Variants in PEBP4 observed in about 807,000 individuals in gnomAD.
The protein encoded by PEBP4 is phosphatidylethanolamine-binding protein 4.
PEBP4 carries 22 observed loss-of-function variants against 23.9 expected under a neutral mutation model. The observed-to-expected ratio is 0.92, with a 90% CI of 0.66 to 1.31. The LOEUF is 1.31. Ranked by LOEUF, PEBP4 falls within the 40% of genes most tolerant of loss-of-function variation. The pLI, the probability that PEBP4 is intolerant of heterozygous loss-of-function variation, is 0.00. For missense variants in PEBP4, 324 were observed against 281.7 expected (o/e 1.15, Z -1.07); for synonymous variants, 112 against 99.3 (o/e 1.13, Z -0.76).
chr8:22,855,165 C>G (rs1451139226), intron 3 of PEBP4, among the ~76,000 whole-genome samples: 3 of 152,094 alleles, frequency 2.0e-5, no homozygotes. Context: ...ATTCTGTGAT[C>G]CAAGATCAAC....
intron 4 of PEBP4, among the ~76,000 whole-genome samples, chr8:22,795,294 G>C (rs1806226987): frequency 1.3e-5 from 2 of 148,442 alleles, no homozygotes. Context: ...TCCTGCCTCA[G>C]CCTCCCAAGT....
intron 4 of PEBP4, among the ~76,000 whole-genome samples, chr8:22,768,589 G>A (rs548905029): frequency 6.6e-6 from 1 of 152,286 alleles, no homozygotes; most frequent in African/African-American, 2.4e-5. Context: ...CAGCCCTTCG[G>A]TTGCCAAGGA....
At chr8:22,819,355 G>C (rs1806810286) in intron 3 of PEBP4, among the ~76,000 whole-genome samples, 1 of 152,218 alleles carries the variant, frequency 6.6e-6, no homozygotes, top group Non-Finnish European at 1.5e-5. Flanking sequence ...TGAGGACACA[G>C]ATGTGACAAT....
intron 3 of PEBP4, among the ~76,000 whole-genome samples, chr8:22,876,154 ACCAGC>A (rs2128771267): frequency 6.6e-6 from 1 of 152,190 alleles, no homozygotes; most frequent in South Asian, 2.1e-4. Flanking sequence ...CAAGTGATAC[ACCAGC>A]CTCAGCCTCC....
At chr8:22,851,190 C>G (rs893536362) in intron 3 of PEBP4, among the ~76,000 whole-genome samples, 4 of 152,152 alleles carry the variant, frequency 2.6e-5, no homozygotes, top group East Asian at 1.9e-4. Context: ...CATGGTGCCT[C>G]TAGTAAGTTC....
intron 4 of PEBP4, among the ~76,000 whole-genome samples, chr8:22,761,675 T>G (rs1452294175): frequency 4.6e-5 from 7 of 152,182 alleles, no homozygotes; most frequent in African/African-American, 1.7e-4. Context: ...TTAAATGTAC[T>G]CTTCATAAAG....
chr8:22,819,755 C>T (rs1329437411), intron 3 of PEBP4, among the ~76,000 whole-genome samples: 32 of 152,146 alleles, frequency 2.1e-4, no homozygotes, highest in Admixed American at 1.8e-3. Context: ...TACAGGCGCC[C>T]GCCACCACGC....
chr8:22,776,084 G>C (rs901402485), intron 4 of PEBP4, among the ~76,000 whole-genome samples: 5 of 152,130 alleles, frequency 3.3e-5, no homozygotes, highest in Non-Finnish European at 7.4e-5. Flanking sequence ...GGACCACTGG[G>C]ACCCTCCCCT....
At chr8:22,751,150 G>C (rs1471699119) in intron 4 of PEBP4, among the ~76,000 whole-genome samples, 2 of 152,326 alleles carry the variant, frequency 1.3e-5, no homozygotes, top group Middle Eastern at 3.4e-3. Context: ...AATCCGTGCT[G>C]CAGGAGCTCC....
chr8:22,788,503 G>A (rs1015784429), intron 4 of PEBP4, among the ~76,000 whole-genome samples: 25 of 152,084 alleles, frequency 1.6e-4, no homozygotes, highest in African/African-American at 5.3e-4. Flanking sequence ...GGGTCCTGGC[G>A]GTGTTCAGAG....
At chr8:22,796,954 T>TA (rs200145645) in intron 4 of PEBP4, among the ~76,000 whole-genome samples, 351 of 142,570 alleles carry the variant, frequency 2.5e-3, no homozygotes, top group Middle Eastern at 0.015. Context: ...AAATAAAAAT[T>TA]AAAAAAAAAA....
At chr8:22,754,291 C>T (rs574162796) in intron 4 of PEBP4, among the ~76,000 whole-genome samples, 1 of 152,256 alleles carries the variant, frequency 6.6e-6, no homozygotes, top group African/African-American at 2.4e-5. Context: ...CATTTTTCTA[C>T]CTTACCTACT....
At chr8:22,873,547 G>A (rs1347895687) in intron 3 of PEBP4, among the ~76,000 whole-genome samples, 14 of 152,134 alleles carry the variant, frequency 9.2e-5, no homozygotes, top group Non-Finnish European at 1.8e-4. Flanking sequence ...TGGGAGGATC[G>A]CTTAAGGCCA....
chr8:22,876,576 G>C (rs568656301), intron 3 of PEBP4, among the ~76,000 whole-genome samples: 73 of 152,348 alleles, frequency 4.8e-4, no homozygotes, highest in Middle Eastern at 3.4e-3. Context: ...GGCACTACCA[G>C]TGATGACATG....
chr8:22,895,477 A>C (rs992395559), intron 3 of PEBP4: 2 of 152,168 alleles, frequency 1.3e-5, no homozygotes, highest in Non-Finnish European at 2.9e-5. Flanking sequence ...TTCAGAATTT[A>C]TCTTTGGTTT....
chr8:22,916,961 G>A (rs1323891807), intron 3 of PEBP4, among the ~76,000 whole-genome samples: 4 of 152,178 alleles, frequency 2.6e-5, no homozygotes, highest in African/African-American at 9.7e-5. Flanking sequence ...AGGCAGTCAG[G>A]GAAGGCTTCC....
At chr8:22,747,513 T>G (rs946670023) in intron 4 of PEBP4, 1 of 152,150 alleles carries the variant, frequency 6.6e-6, no homozygotes, top group African/African-American at 2.4e-5. Flanking sequence ...AAGGTTTGTG[T>G]TTCTTTGGGC....
At chr8:22,764,575 C>T (rs1321614095) in intron 4 of PEBP4, among the ~76,000 whole-genome samples, 1 of 152,066 alleles carries the variant, frequency 6.6e-6, no homozygotes, top group East Asian at 1.9e-4. Flanking sequence ...TAATAGTGTT[C>T]GCAGCCGAGT....
At chr8:22,830,174 G>C (rs1164299174) in intron 3 of PEBP4, among the ~76,000 whole-genome samples, 2 of 149,292 alleles carry the variant, frequency 1.3e-5, no homozygotes, top group Non-Finnish European at 3.0e-5. Flanking sequence ...CTTGTTGTCA[G>C]GCTGGAGTGT....
Sources: gnomAD v4.1 joint callset for allele counts (sites outside exome capture counted in the v4.1 genomes callset) on GRCh38, gnomAD v4.1.1 for gene constraint, MANE v1.5 for transcripts, NCBI Gene and HGNC (gene_info 2026-07-23, HGNC 2026-07-21) for gene names.